Variants in SKAP1 observed in about 807,000 individuals in gnomAD.
The protein encoded by SKAP1 is src kinase associated phosphoprotein 1, also known as src kinase-associated phosphoprotein 1.
In SKAP1, 44 loss-of-function variants were observed where a neutral mutation model predicts 58.5. The observed-to-expected ratio is 0.75, with a 90% CI of 0.59 to 0.97. The LOEUF is 0.97. Among genes scored for constraint, SKAP1 ranks in the 50% least tolerant of loss-of-function variants. SKAP1 has a pLI of 0.00. For missense variants in SKAP1, 390 were observed against 435.2 expected (o/e 0.90, Z 0.92); for synonymous variants, 127 against 149.7 (o/e 0.85, Z 1.11).
At chr17:48,149,575 A>C (rs1246867093) in intron 11 of SKAP1, among the ~76,000 whole-genome samples, 1 of 152,180 alleles carries the variant, frequency 6.6e-6, no homozygotes, top group Admixed American at 6.5e-5. Context: ...AACCGCTTAT[A>C]GCTTCATTTC....
At chr17:48,292,132 CAAA>C (rs67360130) in intron 4 of SKAP1, among the ~76,000 whole-genome samples, 4 of 121,610 alleles carry the variant, frequency 3.3e-5, no homozygotes, top group Admixed American at 8.3e-5. Context: ...TTAGCCTATT[CAAA>C]AAAAAAAAAA....
At chr17:48,436,316 T>C in the SKAP1 span, among the ~76,000 whole-genome samples, 446 of 152,232 alleles carry the variant, frequency 2.9e-3, 6 homozygotes, top group Middle Eastern at 0.01. Context: ...AGGTGATCTG[T>C]CCACCTCGGC....
intron 10 of SKAP1, among the ~76,000 whole-genome samples, chr17:48,169,233 G>T (rs1251310207): frequency 6.6e-6 from 1 of 152,122 alleles, no homozygotes; most frequent in African/African-American, 2.4e-5. Flanking sequence ...TGAGGGAGGA[G>T]TCTGAAACTG....
At chr17:48,190,877 C>T (rs763867357) in intron 4 of SKAP1, among the ~76,000 whole-genome samples, 3 of 152,070 alleles carry the variant, frequency 2.0e-5, no homozygotes, top group South Asian at 2.1e-4. Context: ...CCCAGCTACT[C>T]GGGAGGATGA....
chr17:48,216,091 G>A (rs1003542737), intron 4 of SKAP1, among the ~76,000 whole-genome samples: 11 of 152,132 alleles, frequency 7.2e-5, no homozygotes, highest in African/African-American at 2.7e-4. Context: ...ACCTCATTCT[G>A]AGCTGCTGGG....
At chr17:48,210,653 T>G (rs2064860893) in intron 4 of SKAP1, among the ~76,000 whole-genome samples, 1 of 152,210 alleles carries the variant, frequency 6.6e-6, no homozygotes, top group Non-Finnish European at 1.5e-5. Context: ...CCCAGGATCA[T>G]TATTACCAAG....
At chr17:48,146,257 C>A (rs1191443689) in intron 11 of SKAP1, among the ~76,000 whole-genome samples, 4 of 152,062 alleles carry the variant, frequency 2.6e-5, no homozygotes, top group Non-Finnish European at 1.5e-5. Flanking sequence ...CTTTGGGAGG[C>A]TAAGGCGGGT....
chr17:48,405,624 C>T (rs1206664648), intron 1 of SKAP1, among the ~76,000 whole-genome samples: 2 of 151,436 alleles, frequency 1.3e-5, no homozygotes, highest in East Asian at 3.9e-4. Context: ...TATCAGCCTC[C>T]TGAGTAGCTG....
chr17:48,199,852 A>G (rs1819877057), intron 4 of SKAP1, among the ~76,000 whole-genome samples: 1 of 152,168 alleles, frequency 6.6e-6, no homozygotes, highest in African/African-American at 2.4e-5. Flanking sequence ...GAAGAAATTA[A>G]GTGAACAGAA....
At chr17:48,438,348 AC>A in the SKAP1 span, among the ~76,000 whole-genome samples, 1 of 152,220 alleles carries the variant, frequency 6.6e-6, no homozygotes. Flanking sequence ...CCCTGCAAAA[AC>A]TAGCACCTGT....
chr17:48,218,670 C>T (rs1331262099), intron 4 of SKAP1, among the ~76,000 whole-genome samples: 2 of 152,100 alleles, frequency 1.3e-5, no homozygotes, highest in African/African-American at 4.8e-5. Flanking sequence ...ACAGAGATCT[C>T]ATACTGGAAA....
chr17:48,189,419 A>G lies in SKAP1; in HGVS notation c.358+4T>C, dbSNP rs762488628. On this transcript the variant is annotated splice_donor_region_variant and intron_variant, in intron 5 of 12. Coordinates refer to ENST00000336915, the MANE Select transcript of SKAP1 (RefSeq NM_003726.4). ...GTTCTGAAATCTGTGGGTCTGACCA[A>G]TACCTTTGCTTTTCTTCTCCAAGTA... The G allele has an allele frequency of 1.9e-6, 3 of 1,609,864 alleles. No homozygotes were observed. In the African/African-American group the frequency reaches 4.0e-5, roughly 22 times the overall value.
chr17:48,413,771 A>G (rs2067698524), intron 1 of SKAP1, among the ~76,000 whole-genome samples: 1 of 152,008 alleles, frequency 6.6e-6, no homozygotes, highest in South Asian at 2.1e-4. Context: ...CATCATGTGC[A>G]GTCACATCTG....
chr17:48,300,761 A>T (rs1423345791), intron 4 of SKAP1, among the ~76,000 whole-genome samples: 1 of 152,184 alleles, frequency 6.6e-6, no homozygotes, highest in Non-Finnish European at 1.5e-5. Context: ...ATCCTGTCAC[A>T]TCTCTTTAAT....
chr17:48,399,763 A>G (rs1353675746), intron 1 of SKAP1, among the ~76,000 whole-genome samples: 1 of 41,370 alleles, frequency 2.4e-5, no homozygotes, highest in Non-Finnish European at 5.3e-5. Context: ...CTCTTGTCTC[A>G]AAAAAAAAAA....
chr17:48,184,699 C>A, intron 7 of SKAP1, 24 bp downstream of exon 7: 1 of 1,613,720 alleles, frequency 6.2e-7, no homozygotes, highest in Non-Finnish European at 8.5e-7. Flanking sequence ...CAAGAAGGAT[C>A]ACCATCTCCT....
intron 11 of SKAP1, among the ~76,000 whole-genome samples, chr17:48,157,238 CTTT>C (rs11314766): frequency 1.6e-4 from 23 of 143,318 alleles, no homozygotes; most frequent in Non-Finnish European, 1.7e-4. Flanking sequence ...TGGGGAGCAT[CTTT>C]TTTTTTTTTT....
At chr17:48,419,743 TAAGCAC>T (rs2067773129) in intron 1 of SKAP1, among the ~76,000 whole-genome samples, 1 of 152,156 alleles carries the variant, frequency 6.6e-6, no homozygotes, top group African/African-American at 2.4e-5. Flanking sequence ...TTGGTTTAAC[TAAGCAC>T]AAATATGTGC....
intron 2 of SKAP1, among the ~76,000 whole-genome samples, chr17:48,365,121 T>G (rs2066985797): frequency 1.3e-5 from 2 of 152,054 alleles, no homozygotes; most frequent in Non-Finnish European, 1.5e-5. Context: ...GTTTTTTTGT[T>G]TTTGTTTTTG....
Sources: gnomAD v4.1 joint callset for allele counts (sites outside exome capture counted in the v4.1 genomes callset) on GRCh38, gnomAD v4.1.1 for gene constraint, MANE v1.5 for transcripts, NCBI Gene and HGNC (gene_info 2026-07-23, HGNC 2026-07-21) for gene names.